The following CCDC192 variants were observed in gnomAD, a reference collection of about 807,000 sequenced individuals.
CCDC192 encodes the protein coiled-coil domain-containing protein 192.
intron 6 of CCDC192, among the ~76,000 whole-genome samples, chr5:127,893,568 C>A (rs547130712): frequency 6.6e-6 from 1 of 152,162 alleles, no homozygotes; most frequent in Non-Finnish European, 1.5e-5. Flanking sequence ...TCTATAAACA[C>A]GTAGGCTTTT....
intron 5 of CCDC192, among the ~76,000 whole-genome samples, chr5:127,861,940 A>G (rs1319474022): frequency 6.6e-6 from 1 of 152,178 alleles, no homozygotes; most frequent in Non-Finnish European, 1.5e-5. Flanking sequence ...TGAGCGTGAA[A>G]ACAGGTATGG....
intron 6 of CCDC192, among the ~76,000 whole-genome samples, chr5:127,898,351 C>T (rs973773271): frequency 9.2e-5 from 14 of 152,156 alleles, no homozygotes; most frequent in African/African-American, 2.9e-4. Context: ...TCAAATGATC[C>T]GCCCACCTCA....
At chr5:127,895,418 C>T (rs1172134144) in intron 6 of CCDC192, among the ~76,000 whole-genome samples, 1 of 152,144 alleles carries the variant, frequency 6.6e-6, no homozygotes, top group African/African-American at 2.4e-5. Context: ...GATCTCCTAG[C>T]CAATTATGCC....
chr5:127,813,808 C>T (rs1473917151), intron 5 of CCDC192, among the ~76,000 whole-genome samples: 1 of 152,130 alleles, frequency 6.6e-6, no homozygotes, highest in Non-Finnish European at 1.5e-5. Context: ...AAAATAGTAA[C>T]TCTACACTTC....
At chr5:127,750,520 T>A (rs1330708059) in intron 2 of CCDC192, among the ~76,000 whole-genome samples, 6 of 151,438 alleles carry the variant, frequency 4.0e-5, no homozygotes, top group South Asian at 4.2e-4. Flanking sequence ...TGCTGAGGAG[T>A]GCTTTACTTC....
At chr5:127,722,423 G>A (rs541018922) in intron 2 of CCDC192, among the ~76,000 whole-genome samples, 1 of 151,744 alleles carries the variant, frequency 6.6e-6, no homozygotes, top group African/African-American at 2.4e-5. Flanking sequence ...TCTTCACTTT[G>A]TTGATTATTT....
chr5:127,830,251 C>T (rs1219798465), intron 5 of CCDC192, among the ~76,000 whole-genome samples: 1 of 152,050 alleles, frequency 6.6e-6, no homozygotes, highest in Non-Finnish European at 1.5e-5. Flanking sequence ...ACATTCTTGC[C>T]CTGACCAGGC....
At chr5:127,766,167 G>C (rs1044538151) in intron 3 of CCDC192, among the ~76,000 whole-genome samples, 1 of 152,152 alleles carries the variant, frequency 6.6e-6, no homozygotes. Flanking sequence ...AAAGGGTAAA[G>C]GCTTCTCTCT....
chr5:127,870,909 C>G (rs1247506192), intron 5 of CCDC192, among the ~76,000 whole-genome samples: 1 of 152,158 alleles, frequency 6.6e-6, no homozygotes, highest in Non-Finnish European at 1.5e-5. Context: ...CTATGTATAC[C>G]TTCTGTATTC....
intron 5 of CCDC192, among the ~76,000 whole-genome samples, chr5:127,829,316 A>G (rs923018654): frequency 2.6e-5 from 4 of 152,248 alleles, no homozygotes; most frequent in African/African-American, 9.6e-5. Context: ...TTTAAATACA[A>G]GTCAAGGAAA....
chr5:127,856,566 CAGCTT>C (rs1261657478), intron 5 of CCDC192, among the ~76,000 whole-genome samples: 1 of 152,360 alleles, frequency 6.6e-6, no homozygotes, highest in East Asian at 1.9e-4. Context: ...GCCTAGCTTT[CAGCTT>C]ATCTTGGCTT....
intron 3 of CCDC192, among the ~76,000 whole-genome samples, chr5:127,792,625 G>A (rs917221816): frequency 6.6e-6 from 1 of 151,556 alleles, no homozygotes. Context: ...AGGATGGCTC[G>A]AGCCCAGTAG....
rs562507375 is a variant in CCDC192, at chr5:127,827,535, G to T, written c.411+29373G>T. Among the ~76,000 whole-genome samples, 4 of 152,250 alleles carry T rather than the reference G, an allele frequency of 2.6e-5. No individual in the cohort carries two copies. In the South Asian group the frequency reaches 8.3e-4, roughly 32 times the overall value. ...TTTAAAGATCTTGTAATTTATACTGGCATGGTTTATGGTGTCTTTAAATAC... is the reference window on the plus strand; with the variant it reads ...TTTAAAGATCTTGTAATTTATACTGTCATGGTTTATGGTGTCTTTAAATAC... On this transcript the variant is annotated intron_variant, in intron 5 of 6. Transcript: ENST00000514853.
intron 3 of CCDC192, 141 bp downstream of exon 3, chr5:127,754,516 G>T: frequency 2.8e-6 from 1 of 359,354 alleles, no homozygotes; most frequent in East Asian, 4.1e-5. Context: ...CACACACATT[G>T]CAGTATGCCC....
intron 5 of CCDC192, among the ~76,000 whole-genome samples, chr5:127,842,422 TC>T (rs1282886726): frequency 1.3e-5 from 2 of 152,116 alleles, no homozygotes; most frequent in Non-Finnish European, 2.9e-5. Flanking sequence ...CTTGCCATCT[TC>T]CCCAGGCTGA....
intron 3 of CCDC192, chr5:127,784,977 A>C: frequency 2.1e-6 from 1 of 476,356 alleles, no homozygotes; most frequent in Non-Finnish European, 4.2e-6. Context: ...CAGCATTTAC[A>C]TTTTCATCTT....
intron 5 of CCDC192, among the ~76,000 whole-genome samples, chr5:127,844,513 C>G (rs1298954641): frequency 6.6e-6 from 1 of 152,180 alleles, no homozygotes; most frequent in Non-Finnish European, 1.5e-5. Flanking sequence ...AGCAATTTTT[C>G]TTTGGTATGC....
At chr5:127,938,497 A>G (rs1561559419) in intron 6 of CCDC192, among the ~76,000 whole-genome samples, 1 of 152,214 alleles carries the variant, frequency 6.6e-6, no homozygotes, top group Non-Finnish European at 1.5e-5. Context: ...ATCTGGAAGG[A>G]AATGCTAGCC....
At chr5:127,840,411 A>G (rs1750229664) in intron 5 of CCDC192, among the ~76,000 whole-genome samples, 1 of 152,180 alleles carries the variant, frequency 6.6e-6, no homozygotes, top group African/African-American at 2.4e-5. Flanking sequence ...GTGGAGTAGA[A>G]ATAAAGCTTC....
Sources: gnomAD v4.1 joint callset for allele counts (sites outside exome capture counted in the v4.1 genomes callset) on GRCh38, gnomAD v4.1.1 for gene constraint, MANE v1.5 for transcripts, NCBI Gene and HGNC (gene_info 2026-07-23, HGNC 2026-07-21) for gene names.